The following TNRC6C variants were observed in gnomAD, a reference collection of about 807,000 sequenced individuals.
TNRC6C encodes the protein trinucleotide repeat-containing gene 6C protein.
A neutral mutation model predicts 153.7 loss-of-function variants in TNRC6C; 20 were observed. The observed-to-expected ratio is 0.13, with a 90% CI of 0.09 to 0.19. The LOEUF (loss-of-function observed/expected upper bound fraction) is 0.19. Ranked by LOEUF, TNRC6C falls within the 10% of genes least tolerant of loss-of-function variation. The pLI is 1.00. For synonymous variants in TNRC6C, 811 were observed against 841.4 expected, an observed-to-expected ratio of 0.96 and a Z score of 0.63; for missense variants, 1,987 against 2,172.0, an observed-to-expected ratio of 0.91 and a Z score of 1.69.
At chr17:78,072,651 G>A (rs567832779) in intron 6 of TNRC6C, among the ~76,000 whole-genome samples, 3 of 152,300 alleles carry the variant, frequency 2.0e-5, no homozygotes, top group Non-Finnish European at 4.4e-5. Context: ...GGGAGCCCAA[G>A]GCAGGAGAAC....
intron 1 of TNRC6C, among the ~76,000 whole-genome samples, chr17:77,960,249 GGTGCTCT>G (rs2070850665): frequency 6.6e-6 from 1 of 152,192 alleles, no homozygotes; most frequent in Non-Finnish European, 1.5e-5. Flanking sequence ...AACTCAAAAT[GGTGCTCT>G]GTAGATGTCC....
At chr17:78,043,469 T>G (rs2072341953) in intron 2 of TNRC6C, among the ~76,000 whole-genome samples, 2 of 152,204 alleles carry the variant, frequency 1.3e-5, no homozygotes. Context: ...GTATATATAT[T>G]TATGGGTTAC....
chr17:78,105,231 A>G (rs1375061408), exon 20 of TNRC6C: 1 of 171,066 alleles, frequency 5.8e-6, no homozygotes, highest in African/African-American at 2.4e-5. Flanking sequence ...GGAGACGTGA[A>G]GCCTATTTAA....
chr17:78,041,283 C>A (rs962822852), intron 2 of TNRC6C, among the ~76,000 whole-genome samples: 7 of 152,112 alleles, frequency 4.6e-5, no homozygotes, highest in Non-Finnish European at 8.8e-5. Context: ...GATAAAATGG[C>A]GTCTTGGAAA....
rs772041930 is a variant in TNRC6C at position 78,098,329 on chromosome 17, C to G, written c.4307-14C>G. 6.3e-7 allele frequency: 1 copy of G among 1,599,932 alleles called. No homozygotes were observed. The highest frequency in any genetic ancestry group is 1.1e-5 in the South Asian group (1 of 88,894). On this transcript the variant is annotated splice_polypyrimidine_tract_variant and intron_variant, in intron 16 of 19. Coordinates refer to ENST00000301624, the Ensembl canonical transcript of TNRC6C. ...TCTCAAGACTGCATATGCTCCATCT[C>G]TCTGCCTTTCTAGGTAAACTGTCAG...
chr17:78,101,056 G>A (rs189633659), intron 17 of TNRC6C, among the ~76,000 whole-genome samples: 240 of 152,222 alleles, frequency 1.6e-3, no homozygotes, highest in Non-Finnish European at 2.5e-3. Context: ...GATTACAGGC[G>A]TGAGCCACCG....
At chr17:78,086,853 G>A (rs760585800) in exon 13 of TNRC6C, 1 of 1,611,274 alleles carries the variant, frequency 6.2e-7, no homozygotes, top group African/African-American at 1.3e-5. Flanking sequence ...TGCCTGCCAG[G>A]TTGCGCGCAC....
chr17:78,073,698 C>A (rs1464618283), intron 7 of TNRC6C, among the ~76,000 whole-genome samples: 2 of 152,148 alleles, frequency 1.3e-5, no homozygotes, highest in African/African-American at 4.8e-5. Context: ...TCCTATGAGC[C>A]TCTGCTCACA....
At chr17:77,990,054 C>T (rs190233310) in intron 1 of TNRC6C, among the ~76,000 whole-genome samples, 3 of 152,280 alleles carry the variant, frequency 2.0e-5, no homozygotes, top group African/African-American at 2.4e-5. Context: ...TCTTAGTGAA[C>T]GGACCACCAT....
intron 3 of TNRC6C, among the ~76,000 whole-genome samples, chr17:78,052,189 C>T (rs2072550869): frequency 6.6e-6 from 1 of 152,218 alleles, no homozygotes. Context: ...GGGTTCTTTT[C>T]TCTCTGGGAG....
intron 1 of TNRC6C, among the ~76,000 whole-genome samples, chr17:77,978,299 A>G (rs1392169000): frequency 6.6e-6 from 1 of 152,224 alleles, no homozygotes; most frequent in Non-Finnish European, 1.5e-5. Context: ...GAACTCTACT[A>G]ATATTCCTCC....
chr17:77,997,185 G>C (rs1361635278), intron 1 of TNRC6C, among the ~76,000 whole-genome samples: 1 of 152,138 alleles, frequency 6.6e-6, no homozygotes, highest in Non-Finnish European at 1.5e-5. Context: ...GGGCTGCGGG[G>C]CTTTGTCTTG....
chr17:77,991,095 G>A (rs1421496463), intron 1 of TNRC6C, among the ~76,000 whole-genome samples: 1 of 152,198 alleles, frequency 6.6e-6, no homozygotes, highest in Non-Finnish European at 1.5e-5. Context: ...AGGGTTACCA[G>A]GGATGTATGT....
At chr17:78,074,585 G>C (rs1240397450) in intron 7 of TNRC6C, among the ~76,000 whole-genome samples, 5 of 152,216 alleles carry the variant, frequency 3.3e-5, no homozygotes, top group Non-Finnish European at 5.9e-5. Flanking sequence ...CAACAGAGCC[G>C]TGAGAACAGA....
intron 2 of TNRC6C, among the ~76,000 whole-genome samples, chr17:78,036,208 A>G (rs1453357273): frequency 6.6e-6 from 1 of 152,222 alleles, no homozygotes; most frequent in Admixed American, 6.5e-5. Flanking sequence ...CAGGTGTCTT[A>G]GTACGTAAAC....
intron 16 of TNRC6C, 58 bp downstream of exon 18, chr17:78,093,821 A>G (rs1458956484): frequency 6.3e-7 from 1 of 1,594,626 alleles, no homozygotes; most frequent in African/African-American, 1.3e-5. Context: ...CCATTTGGAG[A>G]TGTCAGGGGT....
chr17:77,961,057 A>G (rs1342615660), intron 1 of TNRC6C, among the ~76,000 whole-genome samples: 1 of 151,420 alleles, frequency 6.6e-6, no homozygotes, highest in East Asian at 1.9e-4. Context: ...ACACACACAC[A>G]CTCGTTTTTA....
chr17:77,978,154 C>T (rs2071028480), intron 1 of TNRC6C, among the ~76,000 whole-genome samples: 1 of 152,138 alleles, frequency 6.6e-6, no homozygotes, highest in African/African-American at 2.4e-5. Context: ...GCCTCAGCCT[C>T]CCGAAGTACT....
rs138937854 is a variant in TNRC6C at position 78,102,132 on chromosome 17, G to T, written c.4502-342G>T. Among the ~76,000 whole-genome samples the T allele has an allele frequency of 1.0e-3, 154 of 152,334 alleles. 1 individual carries two copies. The highest frequency in any genetic ancestry group is 3.4e-3 in the Middle Eastern group (1 of 294). On this transcript the variant is annotated intron_variant, in intron 17 of 19. Transcript: ENST00000301624. ...CCTGGGAGCACTGATTCCACACCGGGTCTGGGGACAGGCAGAGGTGGAGAG... is the reference window on the plus strand; with the variant it reads ...CCTGGGAGCACTGATTCCACACCGGTTCTGGGGACAGGCAGAGGTGGAGAG...
Sources: gnomAD v4.1 joint callset for allele counts (sites outside exome capture counted in the v4.1 genomes callset) on GRCh38, gnomAD v4.1.1 for gene constraint, MANE v1.5 for transcripts, NCBI Gene and HGNC (gene_info 2026-07-23, HGNC 2026-07-21) for gene names.